The following ANKRD45 variants were observed in gnomAD, a reference collection of about 807,000 sequenced individuals.
The protein encoded by ANKRD45 is ankyrin repeat domain-containing protein 45.
A neutral mutation model predicts 28.1 loss-of-function variants in ANKRD45; 21 were observed. That is an observed-to-expected ratio of 0.75 (90% confidence interval 0.53 to 1.08). The LOEUF is 1.08. Among genes scored for constraint, ANKRD45 ranks in the 50% least tolerant of loss-of-function variants. ANKRD45 has a pLI of 0.00. For missense variants in ANKRD45, 261 were observed against 308.7 expected, an observed-to-expected ratio of 0.85 and a Z score of 1.16; for synonymous variants, 86 against 103.9, an observed-to-expected ratio of 0.83 and a Z score of 1.05.
the ANKRD45 span, among the ~76,000 whole-genome samples, chr1:173,688,136 G>C: frequency 6.6e-4 from 101 of 152,262 alleles, 1 homozygote; most frequent in Admixed American, 6.4e-3. Flanking sequence ...AGTGTCCTCA[G>C]TGCTTTCGGG....
intron 4 of ANKRD45, 50 bp from the exon 5 acceptor site, chr1:173,624,975 A>C: frequency 6.4e-7 from 1 of 1,569,882 alleles, no homozygotes; most frequent in Non-Finnish European, 8.7e-7. Context: ...TTGAAAAATA[A>C]AACTCAACAG....
intron 2 of ANKRD45, 33 bp downstream of exon 2, chr1:173,659,058 A>G (rs1303615743): frequency 6.3e-7 from 1 of 1,598,994 alleles, no homozygotes; most frequent in African/African-American, 1.3e-5. Flanking sequence ...GGTAGTCATA[A>G]GTAATACTGA....
intron 5 of ANKRD45, among the ~76,000 whole-genome samples, chr1:173,612,152 G>A (rs900473296): frequency 1.3e-5 from 2 of 152,128 alleles, no homozygotes; most frequent in Admixed American, 6.5e-5. Context: ...GCTGAGGTGG[G>A]AGGATTGCTT....
At chr1:173,688,091 G>C in the ANKRD45 span, among the ~76,000 whole-genome samples, 1 of 151,866 alleles carries the variant, frequency 6.6e-6, no homozygotes, top group African/African-American at 2.4e-5. Context: ...GGGTTATTGG[G>C]TTAAGGATTT....
intron 3 of ANKRD45, among the ~76,000 whole-genome samples, chr1:173,642,101 G>T (rs1668728894): frequency 6.6e-6 from 1 of 152,116 alleles, no homozygotes. Context: ...TATAACAAGA[G>T]TGCTACAAGG....
At chr1:173,714,978 G>C in the ANKRD45 span, 2 of 152,814 alleles carry the variant, frequency 1.3e-5, no homozygotes, top group African/African-American at 4.8e-5. Context: ...CTCTACGAGC[G>C]GCATCCTGCC....
chr1:173,659,286 T>C lies in ANKRD45; in HGVS notation c.133A>G (p.Thr45Ala), dbSNP rs774579669. ...PKNPLLQPAL[T>A]GDVEGLQKIF... ...TTCTGCAAACCCTCTACATCCCCTG[T>C]GAGAGCAGGTTGTAAAAGGGGGTTC... The change falls in exon 2 of 6, where the codon ACA becomes GCA. Residue 45 changes from threonine to alanine, a missense_variant. Coordinates refer to ENST00000333279, the MANE Select transcript of ANKRD45 (RefSeq NM_198493.3). 3 of 1,613,632 alleles carry C rather than the reference T, an allele frequency of 1.9e-6. No individual in the cohort carries two copies. The East Asian group carries it at 6.7e-5, about 36-fold the overall frequency.
chr1:173,613,015 C>G (rs944538439), intron 5 of ANKRD45, among the ~76,000 whole-genome samples: 1 of 152,108 alleles, frequency 6.6e-6, no homozygotes, highest in African/African-American at 2.4e-5. Flanking sequence ...GCCGCCACCC[C>G]GTCTGGGAAG....
intron 2 of ANKRD45, among the ~76,000 whole-genome samples, chr1:173,647,991 G>A (rs892488281): frequency 6.6e-6 from 1 of 151,924 alleles, no homozygotes; most frequent in Non-Finnish European, 1.5e-5. Context: ...TTGCCAGGCT[G>A]GAGTGCGGTG....
At chr1:173,686,655 G>A in the ANKRD45 span, among the ~76,000 whole-genome samples, 1 of 152,326 alleles carries the variant, frequency 6.6e-6, no homozygotes, top group East Asian at 1.9e-4. Context: ...TTGACCTTTT[G>A]TTTTAAATGT....
chr1:173,711,269 A>C, the ANKRD45 span, among the ~76,000 whole-genome samples: 1 of 152,212 alleles, frequency 6.6e-6, no homozygotes, highest in Non-Finnish European at 1.5e-5. Context: ...TTGAGGATGC[A>C]CCTGTGACAC....
chr1:173,682,354 A>T, the ANKRD45 span, among the ~76,000 whole-genome samples: 1 of 152,168 alleles, frequency 6.6e-6, no homozygotes, highest in Non-Finnish European at 1.5e-5. Flanking sequence ...ATAACTACTT[A>T]AGTCAGCAAA....
At chr1:173,688,839 CCCTTTCTGCTGGTCTTTCCCTGCCTGTG>C in the ANKRD45 span, among the ~76,000 whole-genome samples, 1 of 145,026 alleles carries the variant, frequency 6.9e-6, no homozygotes, top group Non-Finnish European at 1.5e-5. Context: ...TCTCTCTCTC[CCCTTTCTGCTGGTCTTTCCCTGCCTGTG>C]CCAGCTGCTT....
upstream of ANKRD45, among the ~76,000 whole-genome samples, chr1:173,673,869 C>T (rs1670335494): frequency 6.6e-6 from 1 of 152,090 alleles, no homozygotes; most frequent in African/African-American, 2.4e-5. Context: ...AAAGCCACTC[C>T]CCTGGTGTGT....
At position 173,635,932 on chromosome 1, in the gene ANKRD45, G is replaced by A. The variant is rs541338628; in HGVS notation, c.497-8773C>T. 20 of 1,015,974 alleles carry A rather than the reference G, an allele frequency of 2.0e-5. No individual in the cohort carries two copies. In the African/African-American group the frequency reaches 2.3e-4, roughly 12 times the overall value. The allele number at this position is 1,015,974 out of a possible 1,614,324, so 62.9% of individuals were successfully genotyped here. ...ACTAGTTTCTTTGAGAGAGGGTACC[G>A]TGTTTTATTCCTCATTGTAACCTTC... is the stretch of plus-strand genomic sequence containing the variant. On this transcript the variant is annotated intron_variant, in intron 3 of 5. Transcript: ENST00000333279.
intron 1 of ANKRD45, chr1:173,669,319 G>A: frequency 2.4e-6 from 1 of 412,282 alleles, no homozygotes; most frequent in South Asian, 1.8e-5. Flanking sequence ...CAAAGGGCAA[G>A]GAGGCAGGCG....
chr1:173,681,506 TTG>T, the ANKRD45 span, among the ~76,000 whole-genome samples: 9 of 152,166 alleles, frequency 5.9e-5, no homozygotes, highest in Admixed American at 5.9e-4. Context: ...TAGTGAAACA[TTG>T]TGTACACGAC....
intron 5 of ANKRD45, among the ~76,000 whole-genome samples, chr1:173,618,237 C>A (rs1335681190): frequency 6.6e-6 from 1 of 152,212 alleles, no homozygotes; most frequent in Non-Finnish European, 1.5e-5. Context: ...CCAAGTGCCT[C>A]TTCTTCTACA....
At chr1:173,620,740 TAA>T (rs1026688459) in intron 5 of ANKRD45, among the ~76,000 whole-genome samples, 3 of 132,746 alleles carry the variant, frequency 2.3e-5, no homozygotes, top group Admixed American at 7.4e-5. Context: ...ACTTAAAGTA[TAA>T]AAAAAAAAAG....
Sources: allele counts gnomAD v4.1 joint callset (sites outside exome capture counted in the v4.1 genomes callset), GRCh38; gene constraint gnomAD v4.1.1; transcripts MANE v1.5; gene names NCBI Gene and HGNC (gene_info 2026-07-23, HGNC 2026-07-21).